Variants in SLC5A6 observed in about 807,000 individuals in gnomAD.
SLC5A6 encodes sodium-dependent multivitamin transporter.
SLC5A6 carries 31 observed loss-of-function variants against 67.9 expected under a neutral mutation model. The observed-to-expected ratio is 0.46, with a 90% confidence interval of 0.34 to 0.62. The LOEUF (loss-of-function observed/expected upper bound fraction) is 0.62. SLC5A6 is among the 20% of genes least tolerant of loss of function. The pLI, the probability that SLC5A6 is intolerant of heterozygous loss-of-function variation, is 0.01. For synonymous variants in SLC5A6, 343 were observed against 331.0 expected (o/e 1.04, Z -0.39); for missense variants, 673 against 812.8 (o/e 0.83, Z 2.09).
Position 27,206,664 on chromosome 2 carries a change from C to G in SLC5A6, c.460-130G>C, listed in dbSNP as rs980543311. The G allele has an allele frequency of 8.9e-6, 9 of 1,011,834 alleles. No individual in the cohort carries two copies. The East Asian group carries it at 2.1e-4, about 24-fold the overall frequency. 62.7% of individuals were successfully genotyped at this position (1,011,834 alleles called of 1,614,324 possible). On this transcript the variant is annotated intron_variant, in intron 4 of 16. Transcript: ENST00000310574. ...GGCTCACTTCCCTCTTCCTTCTCCTCTCAAATTCTGGCTTGCTGCCACCAC... is the reference window on the plus strand; with the variant it reads ...GGCTCACTTCCCTCTTCCTTCTCCTGTCAAATTCTGGCTTGCTGCCACCAC...
intron 9 of SLC5A6, 81 bp from the exon 10 acceptor site, chr2:27,203,948 A>T: frequency 9.8e-7 from 1 of 1,018,894 alleles, no homozygotes; most frequent in Non-Finnish European, 1.5e-6. Context: ...CTCCCTTTAC[A>T]TGTGCCCCAG....
chr2:27,201,734 G>C lies in SLC5A6; in HGVS notation c.1476C>G (p.Ser492Arg). 1.9e-6 allele frequency: 3 copies of C among 1,614,166 alleles called. No individual in the cohort carries two copies. The highest frequency in any genetic ancestry group is 1.7e-6 in the Non-Finnish European group (2 of 1,179,992). ...CGGTTAGATTGGTGGGCAGGGAGAA[G>C]CTGGACCCATTAGAGGGAGAGGGTG... is the stretch of plus-strand genomic sequence containing the variant. ...SMPPSPSNGS[S>R]FSLPTNLTVA... The change falls in exon 14 of 17, where the codon AGC becomes AGG. Residue 492 changes from serine (S) to arginine (R), a missense_variant. Ser to Arg is a moderately radical substitution (Grantham distance 110). Coordinates refer to ENST00000310574, the MANE Select transcript of SLC5A6 (RefSeq NM_021095.4).
intron 13 of SLC5A6, 62 bp downstream of exon 13, chr2:27,201,926 G>A: frequency 6.2e-6 from 10 of 1,607,116 alleles, no homozygotes; most frequent in Non-Finnish European, 8.5e-6. Flanking sequence ...CCTGGTGACA[G>A]CCCTGCCAAC....
intron 12 of SLC5A6, among the ~76,000 whole-genome samples, chr2:27,202,485 C>A: frequency 9.9e-6 from 1 of 100,850 alleles, no homozygotes; most frequent in Non-Finnish European, 1.8e-5. Context: ...GCCTGAGCAA[C>A]AGAATGAGAC....
chr2:27,207,568 T>C lies in SLC5A6; in HGVS notation c.83A>G (p.Asp28Gly), dbSNP rs1379182895. 2 of 1,614,170 alleles carry C rather than the reference T, an allele frequency of 1.2e-6. No homozygotes were observed. The highest frequency in any genetic ancestry group is 1.7e-6 in the Non-Finnish European group (2 of 1,180,032). The change falls in exon 3 of 17, where the codon GAC becomes GGC. Residue 28 changes from aspartate to glycine, a missense_variant. Transcript: ENST00000310574. The surrounding 1 kb of genome is among the most constrained non-coding windows in gnomAD (Gnocchi z 5.5). ...CAGCAGCAGGACGAACACCACATAG[T>C]CCATGATGGAGAAGGTAGACATGCC... is the stretch of plus-strand genomic sequence containing the variant. ...SVGMSTFSIM[D>G]YVVFVLLLVL...
At chr2:27,204,958 T>A (rs941880240) in intron 7 of SLC5A6, 27 bp from the exon 8 acceptor site, 4 of 1,609,152 alleles carry the variant, frequency 2.5e-6, no homozygotes, top group Non-Finnish European at 3.4e-6. Context: ...CCAGTCATTG[T>A]GCAAAGCCTG....
intron 2 of SLC5A6, among the ~76,000 whole-genome samples, chr2:27,211,018 C>T (rs1245324126): frequency 1.3e-5 from 2 of 152,016 alleles, no homozygotes; most frequent in Non-Finnish European, 2.9e-5. Context: ...AGCGAGACTC[C>T]GTCTCAAAAT....
Position 27,205,205 on chromosome 2 carries a change from C to G in SLC5A6, c.734+145G>C. 4 of 824,094 alleles carry G rather than the reference C, an allele frequency of 4.9e-6. No individual in the cohort carries two copies. In the South Asian group the frequency reaches 7.2e-5, roughly 15 times the overall value. 51.0% of individuals were successfully genotyped at this position (824,094 alleles called of 1,614,324 possible). On this transcript the variant is annotated intron_variant, in intron 7 of 16. Coordinates refer to ENST00000310574, the MANE Select transcript of SLC5A6 (RefSeq NM_021095.4). Reference sequence around the variant, plus strand: ...CCGGGCACCTGTAATCACCCTCCATCTCTGCAGGACCAGTTTCCCACTGTC... The same window carrying G: ...CCGGGCACCTGTAATCACCCTCCATGTCTGCAGGACCAGTTTCCCACTGTC...
rs748742992 is a variant in SLC5A6, at chr2:27,200,396, C to G, written c.*40G>C. ...ACTACAGGGTGGCCTCTGGCTATGG[C>G]CTGGCACAGTGAGGACAGAGGCGGG... is the stretch of plus-strand genomic sequence containing the variant. On this transcript the variant is annotated 3_prime_UTR_variant, in exon 17 of 17. Coordinates refer to ENST00000310574, the MANE Select transcript of SLC5A6 (RefSeq NM_021095.4). 6.3e-7 allele frequency: 1 copy of G among 1,581,928 alleles called. No homozygotes were observed. Among genetic ancestry groups the G allele is most frequent in the Non-Finnish European group, 8.6e-7 (1 of 1,163,946 alleles).
At chr2:27,206,114 T>C (rs1237484392) in intron 5 of SLC5A6, 21 bp from the exon 6 acceptor site, 1 of 1,613,336 alleles carries the variant, frequency 6.2e-7, no homozygotes, top group East Asian at 2.2e-5. Context: ...AGAAGCCACA[T>C]TCTTATCCCT....
chr2:27,203,734 G>A (rs1240735556), intron 10 of SLC5A6, 45 bp downstream of exon 10: 6 of 1,408,110 alleles, frequency 4.3e-6, no homozygotes, highest in Non-Finnish European at 6.0e-6. Flanking sequence ...GTACCAAATA[G>A]GGGTCAGGTG....
In SLC5A6 at chr2:27,204,847, C is replaced by T; in HGVS notation, c.819G>A (p.Val273=). The part of the protein sequence containing the change: ...GVFMMLSLYG[V]NQAQVQRYLS... The stretch of plus-strand genomic sequence containing the variant: ...GGTACCGCTGCACCTGAGCCTGGTT[C>T]ACCCCGTATAAGGAGAGCATCATGA... The change falls in exon 8 of 17, where the codon GTG becomes GTA. Residue 273 remains valine (V), a synonymous_variant. Transcript: ENST00000310574. The T allele has an allele frequency of 6.2e-7, 1 of 1,614,160 alleles. No homozygotes were observed. The highest frequency in any genetic ancestry group is 8.5e-7 in the Non-Finnish European group (1 of 1,180,004).
Position 27,204,779 on chromosome 2 carries a change from C to G in SLC5A6, c.875+12G>C. ...AGACCTTGCTCCACTCCCTTCCTGT[C>G]CCTGCACTCACAGCACAGCAGCCTT... is the stretch of plus-strand genomic sequence containing the variant. On this transcript the variant is annotated intron_variant, in intron 8 of 16. Transcript: ENST00000310574. The G allele has an allele frequency of 6.2e-7, 1 of 1,614,110 alleles. No homozygotes were observed. Among genetic ancestry groups the G allele is most frequent in the Non-Finnish European group, 8.5e-7 (1 of 1,179,986 alleles).
chr2:27,204,695 T>G (rs1673918063), intron 8 of SLC5A6, 96 bp downstream of exon 8: 2 of 1,599,392 alleles, frequency 1.3e-6, no homozygotes, highest in Non-Finnish European at 1.7e-6. Flanking sequence ...CCACAGTGGA[T>G]GTGTATGCAC....
chr2:27,207,360 G>A lies in SLC5A6; in HGVS notation c.291C>T (p.Thr97=). 6.2e-7 allele frequency: 1 copy of A among 1,614,146 alleles called. No individual in the cohort carries two copies. The highest frequency in any genetic ancestry group is 8.5e-7 in the Non-Finnish European group (1 of 1,180,032). ...AGCAGCAGCCCAGGAACCAATATTG[G>A]GTCCCAAATCGGTAGATCTCTGACG... The part of the protein sequence containing the change: ...GVPSEIYRFG[T]QYWFLGCCYF... Residue 97 remains threonine, a synonymous_variant, in exon 3 of 17, where the codon ACC becomes ACT. Coordinates refer to ENST00000310574, the MANE Select transcript of SLC5A6 (RefSeq NM_021095.4). This position sits in a 1 kb window ranked among gnomAD's most constrained non-coding sequence, Gnocchi z 5.5.
chr2:27,204,360 C>G (rs1247182103), intron 9 of SLC5A6, 101 bp downstream of exon 9: 1 of 1,369,958 alleles, frequency 7.3e-7, no homozygotes, highest in African/African-American at 1.5e-5. Context: ...CCGTCTCCCA[C>G]CCAGGGTGGG....
At chr2:27,203,025 C>T in intron 11 of SLC5A6, 145 bp from the exon 12 acceptor site, 1 of 1,506,532 alleles carries the variant, frequency 6.6e-7, no homozygotes, top group Non-Finnish European at 8.8e-7. Context: ...AGCTTCCTCC[C>T]ACCAAGTCCT....
In SLC5A6 at chr2:27,201,739, A is replaced by T; in HGVS notation, c.1471T>A (p.Ser491Thr). ...AGATTGGTGGGCAGGGAGAAGCTGG[A>T]CCCATTAGAGGGAGAGGGTGGCATG... ...SSMPPSPSNG[S>T]SFSLPTNLTV... The change falls in exon 14 of 17, where the codon TCC becomes ACC. Residue 491 changes from serine (S) to threonine (T), a missense_variant. By Grantham distance (58) the Ser-to-Thr change is moderately conservative (BLOSUM62 1). Coordinates refer to ENST00000310574, the MANE Select transcript of SLC5A6 (RefSeq NM_021095.4). 1 of 1,614,132 alleles carries T rather than the reference A, an allele frequency of 6.2e-7. No homozygotes were observed. Among genetic ancestry groups the T allele is most frequent in the Non-Finnish European group, 8.5e-7 (1 of 1,179,992 alleles).
At chr2:27,206,983 C>A in intron 3 of SLC5A6, 41 bp from the exon 4 acceptor site, 1 of 1,506,394 alleles carries the variant, frequency 6.6e-7, no homozygotes, top group South Asian at 1.1e-5. Context: ...TGACTTCACC[C>A]CGACAACTCA....
Sources: allele counts gnomAD v4.1 joint callset (sites outside exome capture counted in the v4.1 genomes callset), GRCh38; gene constraint gnomAD v4.1.1; non-coding constraint Gnocchi (gnomAD v3.1); transcripts MANE v1.5; gene names NCBI Gene and HGNC (gene_info 2026-07-23, HGNC 2026-07-21).